EPHB1: variants seen among roughly 807,000 people sequenced by gnomAD.
The protein encoded by EPHB1 is EPH receptor B1, also known as ephrin type-B receptor 1.
A neutral mutation model predicts 94.4 loss-of-function variants in EPHB1; 30 were observed. The observed-to-expected ratio is 0.32, with a 90% CI of 0.24 to 0.43. The LOEUF (loss-of-function observed/expected upper bound fraction) is 0.43. EPHB1 is among the 20% of genes least tolerant of loss of function. The pLI, the probability that EPHB1 is intolerant of heterozygous loss-of-function variation, is 1.00. For synonymous variants in EPHB1, 522 were observed against 489.1 expected, an observed-to-expected ratio of 1.07 and a Z score of -0.89; for missense variants, 1,055 against 1,308.3, an observed-to-expected ratio of 0.81 and a Z score of 2.99.
At chr3:135,041,785 G>T (rs954728297) in intron 3 of EPHB1, among the ~76,000 whole-genome samples, 2 of 152,144 alleles carry the variant, frequency 1.3e-5, no homozygotes, top group East Asian at 3.9e-4. Flanking sequence ...TCTGAAGGCT[G>T]GGAAGTTTAA....
intron 3 of EPHB1, among the ~76,000 whole-genome samples, chr3:135,038,909 A>T (rs1409332814): frequency 1.3e-5 from 2 of 152,280 alleles, no homozygotes; most frequent in Middle Eastern, 6.8e-3. Flanking sequence ...CCCCACCCAC[A>T]TCCTGCTGAT....
chr3:135,106,299 T>C (rs1216326184), intron 3 of EPHB1, 149 bp from the exon 4 acceptor site: 6 of 791,938 alleles, frequency 7.6e-6, no homozygotes, highest in East Asian at 2.7e-5. Flanking sequence ...GTGTTAAATA[T>C]GGGTTTCCTC....
At chr3:135,139,646 A>T (rs1258013559) in intron 5 of EPHB1, among the ~76,000 whole-genome samples, 3 of 152,322 alleles carry the variant, frequency 2.0e-5, no homozygotes, top group Admixed American at 6.5e-5. Context: ...AAAAGTCACA[A>T]AGTAAGCAGG....
intron 3 of EPHB1, among the ~76,000 whole-genome samples, chr3:135,005,914 G>C (rs486241): frequency 1.3e-5 from 2 of 152,200 alleles, no homozygotes; most frequent in Non-Finnish European, 2.9e-5. Flanking sequence ...GAAATCACCT[G>C]TCTTCTGTGT....
intron 15 of EPHB1, among the ~76,000 whole-genome samples, chr3:135,251,617 G>C (rs553992658): frequency 6.6e-6 from 1 of 152,324 alleles, no homozygotes; most frequent in African/African-American, 2.4e-5. Flanking sequence ...TAATAAAATA[G>C]ATTGTGGGAC....
intron 3 of EPHB1, among the ~76,000 whole-genome samples, chr3:134,991,209 T>G (rs2107737948): frequency 6.6e-6 from 1 of 152,334 alleles, no homozygotes; most frequent in Middle Eastern, 3.4e-3. Flanking sequence ...CTGCCCACTT[T>G]GTCTGAGGTT....
At position 134,930,214 on chromosome 3, in the gene EPHB1, T is replaced by C. The variant is rs557241370; in HGVS notation, c.123+4334T>C. Among the ~76,000 whole-genome samples, 3 of 152,312 alleles carry C rather than the reference T, an allele frequency of 2.0e-5. No individual in the cohort carries two copies. The East Asian group carries it at 5.8e-4, about 29-fold the overall frequency. ...TGCTGTACTTGAGAACTACCAGATA[T>C]AGGAAGGGGTTGGACCACTCACCTA... On this transcript the variant is annotated intron_variant, in intron 2 of 15. Coordinates refer to ENST00000398015, the MANE Select transcript of EPHB1 (RefSeq NM_004441.5).
intron 3 of EPHB1, among the ~76,000 whole-genome samples, chr3:135,036,699 A>T (rs1210598450): frequency 6.6e-6 from 1 of 152,186 alleles, no homozygotes. Flanking sequence ...CTCTGTGATC[A>T]GTCAGGTCCT....
intron 4 of EPHB1, among the ~76,000 whole-genome samples, chr3:135,108,857 G>A (rs1166551104): frequency 6.6e-6 from 1 of 152,142 alleles, no homozygotes; most frequent in Non-Finnish European, 1.5e-5. Flanking sequence ...AGAGGCAGGT[G>A]ACAAGTGACT....
At chr3:135,008,492 AATGAATTTCAAAGAATGCACTGGC>A (rs1935504626) in intron 3 of EPHB1, among the ~76,000 whole-genome samples, 1 of 152,158 alleles carries the variant, frequency 6.6e-6, no homozygotes, top group East Asian at 1.9e-4. Context: ...GATATTATCA[AATGAATTTCAAAGAATGCACTGGC>A]ATGTTCAGCC....
At chr3:135,257,618 C>G (rs1490040103) in intron 15 of EPHB1, among the ~76,000 whole-genome samples, 1 of 151,840 alleles carries the variant, frequency 6.6e-6, no homozygotes, top group Admixed American at 6.6e-5. Context: ...CTGCTCTCTT[C>G]AAAGCTGTCA....
chr3:134,915,366 A>C (rs187034461), intron 1 of EPHB1, among the ~76,000 whole-genome samples: 1 of 152,322 alleles, frequency 6.6e-6, no homozygotes, highest in African/African-American at 2.4e-5. Flanking sequence ...CAGGGAGAGC[A>C]GCATGTGACG....
At chr3:135,097,470 A>T (rs576988773) in intron 3 of EPHB1, among the ~76,000 whole-genome samples, 1 of 152,184 alleles carries the variant, frequency 6.6e-6, no homozygotes, top group African/African-American at 2.4e-5. Flanking sequence ...CTCCCTTGAG[A>T]CACTGCTCTT....
chr3:135,242,906 T>C (rs1285912372), intron 13 of EPHB1, among the ~76,000 whole-genome samples: 3 of 151,944 alleles, frequency 2.0e-5, no homozygotes, highest in Admixed American at 1.3e-4. Context: ...GGTACAACTT[T>C]GTCTCTGCTA....
At chr3:135,256,350 C>CTGG (rs1256074185) in intron 15 of EPHB1, among the ~76,000 whole-genome samples, 13 of 152,162 alleles carry the variant, frequency 8.5e-5, no homozygotes, top group African/African-American at 2.9e-4. Context: ...TTTGCAGCAG[C>CTGG]TGGTACTGGT....
chr3:135,121,289 A>C (rs902249863), intron 4 of EPHB1, among the ~76,000 whole-genome samples: 3 of 152,226 alleles, frequency 2.0e-5, no homozygotes, highest in Non-Finnish European at 4.4e-5. Flanking sequence ...ATTCCTATCC[A>C]GATCTGAATC....
intron 12 of EPHB1, among the ~76,000 whole-genome samples, chr3:135,218,431 A>C (rs1397244504): frequency 6.6e-6 from 1 of 152,238 alleles, no homozygotes; most frequent in Non-Finnish European, 1.5e-5. Flanking sequence ...TATTCTTAGT[A>C]AGGCCTGTAT....
At chr3:135,029,918 C>T (rs1576329295) in intron 3 of EPHB1, among the ~76,000 whole-genome samples, 2 of 151,458 alleles carry the variant, frequency 1.3e-5, no homozygotes, top group Middle Eastern at 3.2e-3. Flanking sequence ...AGGCTTTGCT[C>T]GTTTCTTTTT....
rs72973528 is a variant in EPHB1 at position 134,952,798 on chromosome 3, A to T, written c.805+746A>T. Among the ~76,000 whole-genome samples the T allele has an allele frequency of 9.2e-3, 1,404 of 152,302 alleles. 13 individuals are homozygous for T. Among genetic ancestry groups the T allele is most frequent in the African/African-American group, 0.031 (1,276 of 41,568 alleles). On this transcript the variant is annotated intron_variant, in intron 3 of 15. Transcript: ENST00000398015. The stretch of plus-strand genomic sequence containing the variant: ...CTAGCACTAGCCCTAGAAAGCCCAT[A>T]TTCAACATGTGGCAATAAATGTGCT...
Sources: gnomAD v4.1 joint callset for allele counts (sites outside exome capture counted in the v4.1 genomes callset) on GRCh38, gnomAD v4.1.1 for gene constraint, MANE v1.5 for transcripts, NCBI Gene and HGNC (gene_info 2026-07-23, HGNC 2026-07-21) for gene names.